The following EPHA6 variants were observed in gnomAD, a reference collection of about 807,000 sequenced individuals.
EPHA6 encodes ephrin type-A receptor 6.
EPHA6 carries 50 observed loss-of-function variants against 112.0 expected under a neutral mutation model. The ratio of observed to expected loss-of-function variants is 0.45; its 90% CI spans 0.36 to 0.56. EPHA6 has a LOEUF of 0.56. Among genes scored for constraint, EPHA6 ranks in the 20% least tolerant of loss-of-function variants. The pLI is 0.00. For synonymous variants in EPHA6, 529 were observed against 490.7 expected, an observed-to-expected ratio of 1.08 and a Z score of -1.03; for missense variants, 1,280 against 1,417.4, an observed-to-expected ratio of 0.90 and a Z score of 1.56.
rs371613192 is a variant in EPHA6 at position 96,824,907 on chromosome 3, G to C, written c.385+9899G>C. On this transcript the variant is annotated intron_variant, in intron 1 of 17. Coordinates refer to ENST00000389672, the MANE Select transcript of EPHA6 (RefSeq NM_001080448.3). The stretch of plus-strand genomic sequence containing the variant: ...CCCCCGCCCCTGCCCTCCCGCAAAG[G>C]ACAGTGTTATAAAATTGAAGAGGTA... Among the ~76,000 whole-genome samples, 15 of 151,904 alleles carry C rather than the reference G, an allele frequency of 9.9e-5. 1 individual carries two copies. In the East Asian group the frequency reaches 2.5e-3, roughly 25 times the overall value.
intron 2 of EPHA6, among the ~76,000 whole-genome samples, chr3:96,871,270 C>A (rs2036608253): frequency 2.0e-5 from 3 of 151,822 alleles, no homozygotes; most frequent in Admixed American, 1.3e-4. Context: ...TTGCCATCCA[C>A]ATAAGGGAAA....
At chr3:96,912,697 C>T (rs1004871194) in intron 2 of EPHA6, among the ~76,000 whole-genome samples, 7 of 152,108 alleles carry the variant, frequency 4.6e-5, no homozygotes, top group African/African-American at 1.7e-4. Flanking sequence ...AAGCAGTCTT[C>T]CTGCCTTAGC....
chr3:97,442,007 G>T (rs2090154511), intron 6 of EPHA6, among the ~76,000 whole-genome samples: 1 of 152,070 alleles, frequency 6.6e-6, no homozygotes, highest in Non-Finnish European at 1.5e-5. Context: ...TATACTTTAT[G>T]ATTTGGCTAG....
chr3:96,920,093 A>G (rs2039683695), intron 2 of EPHA6, among the ~76,000 whole-genome samples: 1 of 151,990 alleles, frequency 6.6e-6, no homozygotes, highest in African/African-American at 2.4e-5. Flanking sequence ...GATAAGGGAA[A>G]AGGCAACAGA....
At chr3:97,728,023 T>C (rs934565385) in intron 15 of EPHA6, among the ~76,000 whole-genome samples, 3 of 151,340 alleles carry the variant, frequency 2.0e-5, no homozygotes, top group African/African-American at 4.8e-5. Flanking sequence ...AAAAAATTAA[T>C]TATACCTTTA....
intron 12 of EPHA6, among the ~76,000 whole-genome samples, chr3:97,596,707 T>A (rs2093593902): frequency 6.7e-6 from 1 of 149,474 alleles, no homozygotes; most frequent in African/African-American, 2.4e-5. Context: ...AATTTTAGCT[T>A]ACTTTTTTGT....
At chr3:97,273,649 T>C (rs904156931) in intron 5 of EPHA6, among the ~76,000 whole-genome samples, 4 of 152,210 alleles carry the variant, frequency 2.6e-5, no homozygotes, top group African/African-American at 9.6e-5. Context: ...TAGTCCATTC[T>C]ACCTTTCCTG....
At chr3:97,138,915 A>T (rs898404930) in intron 3 of EPHA6, among the ~76,000 whole-genome samples, 2 of 152,122 alleles carry the variant, frequency 1.3e-5, no homozygotes, top group Non-Finnish European at 2.9e-5. Context: ...GACCCTCTGG[A>T]TTTGGGGTGT....
intron 2 of EPHA6, among the ~76,000 whole-genome samples, chr3:96,957,340 C>G (rs1213347133): frequency 6.6e-6 from 1 of 152,128 alleles, no homozygotes; most frequent in African/African-American, 2.4e-5. Flanking sequence ...CTATGGTAGA[C>G]AGACGTTCTC....
intron 11 of EPHA6, among the ~76,000 whole-genome samples, chr3:97,567,640 G>A (rs555977402): frequency 2.0e-5 from 3 of 152,266 alleles, no homozygotes; most frequent in South Asian, 4.2e-4. Context: ...CACATATGGA[G>A]GAGAGCACCA....
At chr3:97,488,806 G>A (rs1359020652) in intron 10 of EPHA6, among the ~76,000 whole-genome samples, 4 of 152,134 alleles carry the variant, frequency 2.6e-5, no homozygotes, top group African/African-American at 9.7e-5. Context: ...GTGTATTCTT[G>A]AAAACTTTGC....
At chr3:97,701,306 G>A (rs2033374478) in intron 14 of EPHA6, among the ~76,000 whole-genome samples, 1 of 152,110 alleles carries the variant, frequency 6.6e-6, no homozygotes, top group Non-Finnish European at 1.5e-5. Context: ...CAAGCTCCCT[G>A]TGTGGAGATA....
chr3:97,012,570 A>G (rs1197126292), intron 3 of EPHA6, among the ~76,000 whole-genome samples: 4 of 147,168 alleles, frequency 2.7e-5, no homozygotes, highest in African/African-American at 1.0e-4. Context: ...GAATATATAT[A>G]CATAAAATTT....
At chr3:96,870,789 T>C (rs899766219) in intron 2 of EPHA6, among the ~76,000 whole-genome samples, 2 of 152,058 alleles carry the variant, frequency 1.3e-5, no homozygotes, top group Admixed American at 6.6e-5. Context: ...TTTCCTAATA[T>C]AATTTTTCCA....
intron 14 of EPHA6, among the ~76,000 whole-genome samples, chr3:97,691,192 C>A (rs1286310453): frequency 1.3e-5 from 2 of 152,190 alleles, no homozygotes; most frequent in East Asian, 3.8e-4. Flanking sequence ...TGTTGAAAGA[C>A]TATATTTCCT....
At chr3:96,953,391 C>A (rs532172889) in intron 2 of EPHA6, among the ~76,000 whole-genome samples, 1 of 152,112 alleles carries the variant, frequency 6.6e-6, no homozygotes, top group Non-Finnish European at 1.5e-5. Context: ...ATATTATCAC[C>A]GTTCCTTTTT....
At chr3:97,369,143 A>G (rs2084906657) in intron 5 of EPHA6, among the ~76,000 whole-genome samples, 1 of 152,242 alleles carries the variant, frequency 6.6e-6, no homozygotes. Flanking sequence ...ATGATGGAAC[A>G]AAGTGTCATG....
chr3:97,326,091 G>T (rs1216984294), intron 5 of EPHA6, among the ~76,000 whole-genome samples: 1 of 151,866 alleles, frequency 6.6e-6, no homozygotes, highest in East Asian at 1.9e-4. Flanking sequence ...CTGATATGAG[G>T]TAATAGTGAA....
chr3:96,864,437 C>T (rs958655145), intron 1 of EPHA6, among the ~76,000 whole-genome samples: 1 of 152,060 alleles, frequency 6.6e-6, no homozygotes, highest in Admixed American at 6.6e-5. Context: ...GTAAGGAAAC[C>T]AGGCTCAAAA....
Sources: allele counts gnomAD v4.1 joint callset (sites outside exome capture counted in the v4.1 genomes callset), GRCh38; gene constraint gnomAD v4.1.1; transcripts MANE v1.5; gene names NCBI Gene and HGNC (gene_info 2026-07-23, HGNC 2026-07-21).